Variants in FSIP2 observed in about 807,000 individuals in gnomAD.
FSIP2 encodes the protein fibrous sheath-interacting protein 2.
A neutral mutation model predicts 510.5 loss-of-function variants in FSIP2; 367 were observed. That is an observed-to-expected ratio of 0.72 (90% CI 0.66 to 0.78). The LOEUF is 0.78. FSIP2 is among the 30% of genes least tolerant of loss of function. The pLI, the probability that FSIP2 is intolerant of heterozygous loss-of-function variation, is 0.00. For synonymous variants in FSIP2, 2,601 were observed against 2,732.2 expected (o/e 0.95, Z 1.50); for missense variants, 7,594 against 7,901.7 (o/e 0.96, Z 1.48).
Position 185,792,637 on chromosome 2 carries a change from T to A in FSIP2, c.5501T>A (p.Leu1834His). 1 of 1,534,218 alleles carries A rather than the reference T, an allele frequency of 6.5e-7. No homozygotes were observed. Among genetic ancestry groups the A allele is most frequent in the Non-Finnish European group, 8.7e-7 (1 of 1,145,594 alleles). The change falls in exon 16 of 23, where the codon CTT (leucine) becomes CAT (histidine). Residue 1834 changes from leucine to histidine, a missense_variant. By Grantham distance (99) the Leu-to-His change is moderately conservative. Transcript: ENST00000424728. The part of the protein sequence containing the change: ...QFMDKMMDPL[L>H]SEADITIVTD... ...ATGGATAAAATGATGGATCCTTTAC[T>A]TTCGGAAGCAGATATAACCATAGTA... is the stretch of plus-strand genomic sequence containing the variant.
rs777188079 is a variant in FSIP2, at chr2:185,789,378, A to G, written c.2242A>G (p.Asn748Asp). Residue 748 changes from asparagine (N) to aspartate (D), a missense_variant, in exon 16 of 23, where the codon AAT (asparagine) becomes GAT (aspartate). Asn to Asp is a conservative substitution (Grantham distance 23, BLOSUM62 1). Coordinates refer to ENST00000424728, the MANE Select transcript of FSIP2 (RefSeq NM_173651.4). ...ACGTGAAAAAGAAATCTTGCTTTCC[A>G]ATGCTCATATTCCCTCAGTTGCTTC... is the stretch of plus-strand genomic sequence containing the variant. ...CEREKEILLS[N>D]AHIPSVASEI... 9.8e-6 allele frequency: 15 copies of G among 1,535,042 alleles called. No individual in the cohort carries two copies. In the South Asian group the frequency reaches 1.5e-4, roughly 16 times the overall value.
chr2:185,797,901 G>A (rs1693329739), intron 16 of FSIP2, among the ~76,000 whole-genome samples: 1 of 151,810 alleles, frequency 6.6e-6, no homozygotes, highest in Non-Finnish European at 1.5e-5. Context: ...ATGTTGCGCA[G>A]GCTGGTCTCA....
At position 185,801,490 on chromosome 2, in the gene FSIP2, G is replaced by T; in HGVS notation, c.12184G>T (p.Val4062Leu). ...YDVLQQYELK[V>L]ACGNNPVYDN... Reference sequence around the variant, plus strand: ...TGTTTTACAGCAGTATGAATTAAAAGTGGCCTGTGGTAATAATCCGGTATA... The same window carrying T: ...TGTTTTACAGCAGTATGAATTAAAATTGGCCTGTGGTAATAATCCGGTATA... The change falls in exon 17 of 23, where the codon GTG becomes TTG. Residue 4062 changes from valine (V) to leucine (L), a missense_variant. Coordinates refer to ENST00000424728, the MANE Select transcript of FSIP2 (RefSeq NM_173651.4). The T allele has an allele frequency of 6.5e-7, 1 of 1,533,806 alleles. No individual in the cohort carries two copies. The highest frequency in any genetic ancestry group is 8.7e-7 in the Non-Finnish European group (1 of 1,145,432).
rs1243903556 is a variant in FSIP2 at position 185,804,783 on chromosome 2, T to G, written c.15477T>G (p.Asp5159Glu). The G allele has an allele frequency of 3.3e-6, 5 of 1,532,396 alleles. No individual in the cohort carries two copies. In the East Asian group the frequency reaches 1.2e-4, roughly 38 times the overall value. 94.9% of individuals were successfully genotyped at this position (1,532,396 alleles called of 1,614,324 possible). The change falls in exon 17 of 23, where the codon GAT becomes GAG. Residue 5159 changes from aspartate (D) to glutamate (E), a missense_variant. By Grantham distance (45) the Asp-to-Glu change is conservative (BLOSUM62 2). Coordinates refer to ENST00000424728, the MANE Select transcript of FSIP2 (RefSeq NM_173651.4). The part of the protein sequence containing the change: ...EFVEAASKLT[D>E]EIIKEISEHE... Reference sequence around the variant, plus strand: ...TGGAGGCAGCTTCAAAATTGACTGATGAAATTATAAAAGAAATTTCTGAAC... The same window carrying G: ...TGGAGGCAGCTTCAAAATTGACTGAGGAAATTATAAAAGAAATTTCTGAAC...
intron 19 of FSIP2, among the ~76,000 whole-genome samples, chr2:185,823,598 C>T (rs186381133): frequency 6.6e-6 from 1 of 151,514 alleles, no homozygotes; most frequent in Non-Finnish European, 1.5e-5. Flanking sequence ...AAAACAAGTA[C>T]TGGTAGGGAT....
intron 4 of FSIP2, 22 bp from the exon 5 acceptor site, chr2:185,745,400 TATATGTA>T (rs1692007755): frequency 1.5e-6 from 2 of 1,360,390 alleles, no homozygotes; most frequent in East Asian, 2.5e-5. Context: ...AAGCATTATA[TATATGTA>T]ATACACACAT....
chr2:185,768,693 C>T (rs529347386), intron 13 of FSIP2, among the ~76,000 whole-genome samples: 16 of 152,126 alleles, frequency 1.1e-4, no homozygotes, highest in Non-Finnish European at 1.2e-4. Context: ...AAACTTATGT[C>T]ATGAGGGTTT....
chr2:185,745,243 T>TA (rs1692002415), intron 4 of FSIP2, among the ~76,000 whole-genome samples, 186 bp from the exon 5 acceptor site: 1 of 152,174 alleles, frequency 6.6e-6, no homozygotes, highest in African/African-American at 2.4e-5. Context: ...CTGAAATGTT[T>TA]ACCTTTTATT....
chr2:185,790,452 T>C lies in FSIP2; in HGVS notation c.3316T>C (p.Ser1106Pro). 1 of 1,533,796 alleles carries C rather than the reference T, an allele frequency of 6.5e-7. No homozygotes were observed. The highest frequency in any genetic ancestry group is 2.0e-5 in the Admixed American group (1 of 50,780). Residue 1106 changes from serine (S) to proline (P), a missense_variant, in exon 16 of 23, where the codon TCA becomes CCA. By Grantham distance (74) the Ser-to-Pro change is moderately conservative. Transcript: ENST00000424728. Reference sequence around the variant, plus strand: ...TCAAAAGCATCAAATAGAAAAGGCTTCAGAAAACATAGTCACAAGTATTTT... The same window carrying C: ...TCAAAAGCATCAAATAGAAAAGGCTCCAGAAAACATAGTCACAAGTATTTT... ...QDQKHQIEKASENIVTSILKE... is the reference protein window; with the variant it reads ...QDQKHQIEKAPENIVTSILKE...
chr2:185,756,803 C>G (rs1282302400), intron 9 of FSIP2, among the ~76,000 whole-genome samples: 1 of 151,214 alleles, frequency 6.6e-6, no homozygotes, highest in Non-Finnish European at 1.5e-5. Context: ...AAAAACTGAA[C>G]AGTATAACTA....
At chr2:185,739,316 A>C (rs1280615952) in intron 1 of FSIP2, 30 bp from the exon 2 acceptor site, 78 of 1,503,510 alleles carry the variant, frequency 5.2e-5, no homozygotes, top group Non-Finnish European at 6.7e-5. Context: ...CCTAAAAGGA[A>C]AGACAAAACT....
intron 7 of FSIP2, among the ~76,000 whole-genome samples, chr2:185,752,910 A>C (rs539266997): frequency 6.6e-6 from 1 of 151,474 alleles, no homozygotes; most frequent in Admixed American, 6.6e-5. Context: ...TCTTCTTATA[A>C]ATATTATTTA....
At chr2:185,745,016 T>A (rs1691998738) in intron 4 of FSIP2, 1 of 153,716 alleles carries the variant, frequency 6.5e-6, no homozygotes, top group African/African-American at 2.4e-5. Context: ...AATTCAGATT[T>A]TAGGGTCAAG....
intron 9 of FSIP2, among the ~76,000 whole-genome samples, chr2:185,759,487 ATT>A: frequency 6.9e-6 from 1 of 145,432 alleles, no homozygotes; most frequent in African/African-American, 2.5e-5. Flanking sequence ...ATTCACATAT[ATT>A]TATATTATAT....
Position 185,795,516 on chromosome 2 carries a change from A to G in FSIP2, c.8380A>G (p.Met2794Val). The G allele has an allele frequency of 6.5e-7, 1 of 1,534,758 alleles. No homozygotes were observed. ...VTNNCNLAYP[M>V]KSSHLRLSQG... ...CAATAACTGCAATTTGGCTTACCCG[A>G]TGAAATCCTCACATCTCAGACTTTC... The change falls in exon 16 of 23, where the codon ATG (methionine) becomes GTG (valine). Residue 2794 changes from methionine (M) to valine (V), a missense_variant. Coordinates refer to ENST00000424728, the MANE Select transcript of FSIP2 (RefSeq NM_173651.4).
chr2:185,791,945 T>G lies in FSIP2; in HGVS notation c.4809T>G (p.Ile1603Met), dbSNP rs1333853274. The G allele has an allele frequency of 1.3e-6, 2 of 1,533,916 alleles. No individual in the cohort carries two copies. The highest frequency in any genetic ancestry group is 2.4e-5 in the South Asian group (2 of 83,994). The change falls in exon 16 of 23, where the codon ATT (isoleucine) becomes ATG (methionine). Residue 1603 changes from isoleucine (I) to methionine (M), a missense_variant. By Grantham distance (10) the Ile-to-Met change is conservative. Coordinates refer to ENST00000424728, the MANE Select transcript of FSIP2 (RefSeq NM_173651.4). ...GGTTTGCCAACGGACATTTAGAAAT[T>G]TTGGGTGCTATTAATGATGGAAATA... Reference protein sequence around the residue: ...LEGFANGHLEILGAINDGNKK... With the variant: ...LEGFANGHLEMLGAINDGNKK...
rs1328902408 is a variant in FSIP2, at chr2:185,791,384, C to A, written c.4248C>A (p.His1416Gln). 4 of 1,533,986 alleles carry A rather than the reference C, an allele frequency of 2.6e-6. No individual in the cohort carries two copies. Among genetic ancestry groups the A allele is most frequent in the Non-Finnish European group, 3.5e-6 (4 of 1,145,500 alleles). The change falls in exon 16 of 23, where the codon CAC becomes CAA. Residue 1416 changes from histidine to glutamine, a missense_variant. His to Gln is a conservative substitution (Grantham distance 24). Coordinates refer to ENST00000424728, the MANE Select transcript of FSIP2 (RefSeq NM_173651.4). ...HKYLATPCTH[H>Q]SVNGGNHIKE... ...ATTTGGCTACTCCTTGTACTCACCA[C>A]AGTGTCAATGGTGGAAACCATATTA...
At position 185,802,887 on chromosome 2, in the gene FSIP2, G is replaced by C; in HGVS notation, c.13581G>C (p.Glu4527Asp). Reference protein sequence around the residue: ...VSQHEIRFSKEEEETKFIYSE... With the variant: ...VSQHEIRFSKDEEETKFIYSE... ...AACATGAAATTCGATTTTCAAAAGA[G>C]GAAGAAGAAACCAAGTTTATTTATT... Residue 4527 changes from glutamate to aspartate, a missense_variant, in exon 17 of 23, where the codon GAG becomes GAC. Glu to Asp is a conservative substitution (Grantham distance 45, BLOSUM62 2). Coordinates refer to ENST00000424728, the MANE Select transcript of FSIP2 (RefSeq NM_173651.4). The C allele has an allele frequency of 6.0e-6, 9 of 1,498,100 alleles. No individual in the cohort carries two copies. Among genetic ancestry groups the C allele is most frequent in the Non-Finnish European group, 7.9e-6 (9 of 1,132,532 alleles). The allele number at this position is 1,498,100 out of a possible 1,614,324, so 92.8% of individuals were successfully genotyped here. A position where few individuals can be genotyped will look rare whatever the true frequency, so the allele number is the denominator to read the frequency against.
At chr2:185,757,317 T>C (rs1692263224) in intron 9 of FSIP2, among the ~76,000 whole-genome samples, 1 of 151,488 alleles carries the variant, frequency 6.6e-6, no homozygotes, top group African/African-American at 2.4e-5. Flanking sequence ...CTCACTGCAA[T>C]ACCAGTTTAT....
Sources: gnomAD v4.1 joint callset for allele counts (sites outside exome capture counted in the v4.1 genomes callset) on GRCh38, gnomAD v4.1.1 for gene constraint, MANE v1.5 for transcripts, NCBI Gene and HGNC (gene_info 2026-07-23, HGNC 2026-07-21) for gene names.